Variants in EVI5 observed in about 807,000 individuals in gnomAD.
The protein encoded by EVI5 is ecotropic viral integration site 5 protein homolog.
Under a neutral mutation model 112.0 loss-of-function variants are expected in EVI5, and 73 were observed. The ratio of observed to expected loss-of-function variants is 0.65; its 90% CI spans 0.54 to 0.79. EVI5 has a LOEUF of 0.79. Among genes scored for constraint, EVI5 ranks in the 30% least tolerant of loss-of-function variants. The pLI is 0.00. For missense variants in EVI5, 900 were observed against 968.8 expected (o/e 0.93, Z 0.94); for synonymous variants, 305 against 319.9 (o/e 0.95, Z 0.50).
chr1:92,662,053 G>C (rs1307847760), intron 13 of EVI5, among the ~76,000 whole-genome samples: 1 of 152,110 alleles, frequency 6.6e-6, no homozygotes, highest in East Asian at 1.9e-4. Flanking sequence ...AGATACCTGA[G>C]GCTAGATGTA....
intron 13 of EVI5, among the ~76,000 whole-genome samples, chr1:92,643,033 T>C (rs774767377): frequency 6.2e-4 from 94 of 152,202 alleles, no homozygotes; most frequent in Middle Eastern, 3.2e-3. Flanking sequence ...AAGCTAGACT[T>C]AGACAGTTGG....
intron 2 of EVI5, chr1:92,732,271 CCATCAT>C (rs1004626141): frequency 2.8e-5 from 10 of 358,514 alleles, no homozygotes; most frequent in Non-Finnish European, 5.5e-5. Flanking sequence ...GCCTGAGACA[CCATCAT>C]CAGTCAGATC....
intron 16 of EVI5, among the ~76,000 whole-genome samples, chr1:92,611,881 C>T (rs1030551683): frequency 5.9e-5 from 9 of 151,564 alleles, no homozygotes; most frequent in African/African-American, 2.2e-4. Context: ...TGAACAGCCA[C>T]CGCACTCAAG....
chr1:92,765,155 C>T (rs1420957848), intron 1 of EVI5, among the ~76,000 whole-genome samples: 2 of 151,178 alleles, frequency 1.3e-5, no homozygotes, highest in Non-Finnish European at 2.9e-5. Context: ...AATTCTGCTA[C>T]CAGACATTCC....
chr1:92,701,138 A>AT (rs1211440457), intron 5 of EVI5, among the ~76,000 whole-genome samples: 1 of 152,172 alleles, frequency 6.6e-6, no homozygotes, highest in Non-Finnish European at 1.5e-5. Flanking sequence ...TCTACTTAGA[A>AT]AAGTGTATAC....
chr1:92,650,130 CT>C lies in EVI5; in HGVS notation c.1392+12588del, dbSNP rs528205339. ...AAAGTGTGAGTCCTCCAACTTTGTTCTTTTTTTTCAAGATTGTTTGGCTATT... is the reference window on the plus strand; with the variant it reads ...AAAGTGTGAGTCCTCCAACTTTGTTCTTTTTTTCAAGATTGTTTGGCTATT... On this transcript the variant is annotated intron_variant, in intron 13 of 19. Coordinates refer to ENST00000684568, the MANE Select transcript of EVI5 (RefSeq NM_001350197.2). Among the ~76,000 whole-genome samples the C allele has an allele frequency of 1.1e-3, 162 of 151,932 alleles. 1 individual carries two copies. The South Asian group carries it at 0.012, about 11-fold the overall frequency.
intron 12 of EVI5, 103 bp downstream of exon 12, chr1:92,663,317 C>A: frequency 2.0e-6 from 1 of 505,900 alleles, no homozygotes; most frequent in Non-Finnish European, 3.4e-6. Context: ...TAGAAAAACG[C>A]ATGTAAAATT....
rs1475923765 is a variant in EVI5, at chr1:92,513,918, C to T, written c.2219G>A (p.Gly740Glu). ...TATTAAATGGTTGACAATGTGGATT[C>T]CATCAAAAGGAGGTTGGCCTGAGAA... ...RGFSGQPPFD[G>E]IHIVNHLIGD... is the part of the protein sequence containing the mutation. Residue 740 changes from glycine to glutamate, a missense_variant, in exon 20 of 20, where the codon GGA becomes GAA. Coordinates refer to ENST00000684568, the MANE Select transcript of EVI5 (RefSeq NM_001350197.2). 5 of 1,599,030 alleles carry T rather than the reference C, an allele frequency of 3.1e-6. No homozygotes were observed. The highest frequency in any genetic ancestry group is 1.7e-4 in the Middle Eastern group (1 of 5,994).
At chr1:92,734,743 G>C (rs918789271) in intron 2 of EVI5, among the ~76,000 whole-genome samples, 44 of 152,128 alleles carry the variant, frequency 2.9e-4, no homozygotes, top group Admixed American at 3.9e-4. Context: ...CCAGCTGGGG[G>C]AAGAATTTGA....
chr1:92,667,650 C>CT (rs1234752070), intron 10 of EVI5, among the ~76,000 whole-genome samples: 14 of 152,232 alleles, frequency 9.2e-5, no homozygotes, highest in African/African-American at 3.4e-4. Flanking sequence ...TTGTCCCACT[C>CT]TGTCGCCCAG....
intron 2 of EVI5, among the ~76,000 whole-genome samples, chr1:92,719,236 C>T (rs1386631667): frequency 2.6e-5 from 4 of 151,748 alleles, no homozygotes; most frequent in African/African-American, 7.3e-5. Flanking sequence ...GGCAGAGACA[C>T]GATGAAAAAA....
At chr1:92,767,901 G>A (rs538786083) in intron 1 of EVI5, among the ~76,000 whole-genome samples, 18 of 152,152 alleles carry the variant, frequency 1.2e-4, no homozygotes, top group African/African-American at 4.1e-4. Flanking sequence ...CCAATGTGGC[G>A]AAACACTGTC....
At chr1:92,722,571 T>C (rs1408803628) in intron 2 of EVI5, among the ~76,000 whole-genome samples, 1 of 150,814 alleles carries the variant, frequency 6.6e-6, no homozygotes, top group Non-Finnish European at 1.5e-5. Flanking sequence ...CAGTGTTTGG[T>C]TTTCCCACTA....
chr1:92,770,996 A>G (rs904553386), intron 1 of EVI5, among the ~76,000 whole-genome samples: 23 of 151,398 alleles, frequency 1.5e-4, no homozygotes, highest in African/African-American at 5.3e-4. Flanking sequence ...TTGTATTTTT[A>G]GTAGTGACAG....
chr1:92,611,938 A>C (rs1317912745), intron 16 of EVI5, among the ~76,000 whole-genome samples: 3 of 152,056 alleles, frequency 2.0e-5, no homozygotes, highest in Non-Finnish European at 4.4e-5. Flanking sequence ...AAAAAAATTA[A>C]ATAGAAAAAA....
chr1:92,725,667 G>T (rs935522934), intron 2 of EVI5, among the ~76,000 whole-genome samples: 1 of 151,734 alleles, frequency 6.6e-6, no homozygotes, highest in African/African-American at 2.4e-5. Context: ...AAGCTGCAGT[G>T]AGCCGTGGTC....
intron 19 of EVI5, among the ~76,000 whole-genome samples, chr1:92,514,937 G>A (rs764538453): frequency 5.9e-5 from 9 of 152,156 alleles, no homozygotes; most frequent in Non-Finnish European, 7.4e-5. Context: ...GCATATCACC[G>A]TCACTTACTG....
At chr1:92,600,180 T>C (rs1388305247) in intron 18 of EVI5, among the ~76,000 whole-genome samples, 1 of 152,164 alleles carries the variant, frequency 6.6e-6, no homozygotes, top group East Asian at 1.9e-4. Context: ...ATTGAAGAGT[T>C]GGCGATATGC....
intron 2 of EVI5, among the ~76,000 whole-genome samples, chr1:92,708,051 T>C (rs1476593526): frequency 2.6e-5 from 4 of 152,086 alleles, no homozygotes; most frequent in African/African-American, 7.2e-5. Context: ...AAGCATAATA[T>C]AGAAGAAAAT....
Sources: gnomAD v4.1 joint callset for allele counts (sites outside exome capture counted in the v4.1 genomes callset) on GRCh38, gnomAD v4.1.1 for gene constraint, MANE v1.5 for transcripts, NCBI Gene and HGNC (gene_info 2026-07-23, HGNC 2026-07-21) for gene names.